The following HSD11B2 variants were observed in gnomAD, a reference collection of about 807,000 sequenced individuals.
The protein encoded by HSD11B2 is hydroxysteroid 11-beta dehydrogenase 2.
A neutral mutation model predicts 20.9 loss-of-function variants in HSD11B2; 17 were observed. That is an observed-to-expected ratio of 0.81 (90% confidence interval 0.56 to 1.22). HSD11B2 has a LOEUF of 1.22. Among genes scored for constraint, HSD11B2 ranks in the 50% most tolerant of loss-of-function variants. The probability of loss-of-function intolerance (pLI) is 0.00; values close to 1 mark genes in which losing one functional copy is unlikely to be tolerated. For synonymous variants in HSD11B2, 253 were observed against 255.4 expected, an observed-to-expected ratio of 0.99 and a Z score of 0.09; for missense variants, 480 against 563.6, an observed-to-expected ratio of 0.85 and a Z score of 1.50.
Position 67,435,687 on chromosome 16 carries a change from G to C in HSD11B2, c.325G>C (p.Val109Leu), listed in dbSNP as rs774388009. ...GAAACTGGACTCCATGGGCTTCACG[G>C]TGCTGGCCACCGTATTGGAGTTGAA... ...AKKLDSMGFT[V>L]LATVLELNSP... is the part of the protein sequence containing the mutation. The change falls in exon 2 of 5, where the codon GTG becomes CTG. Residue 109 changes from valine to leucine, a missense_variant. Physicochemically the swap from Val to Leu is conservative, Grantham distance 32. Coordinates refer to ENST00000326152, the MANE Select transcript of HSD11B2 (RefSeq NM_000196.4). 57 of 1,613,798 alleles carry C rather than the reference G, an allele frequency of 3.5e-5. No individual in the cohort carries two copies. The highest frequency in any genetic ancestry group is 4.7e-5 in the Non-Finnish European group (56 of 1,180,034).
chr16:67,431,529 G>C lies in HSD11B2; in HGVS notation c.265+16G>C. The C allele has an allele frequency of 7.4e-7, 1 of 1,359,044 alleles. No individual in the cohort carries two copies. The highest frequency in any genetic ancestry group is 9.5e-7 in the Non-Finnish European group (1 of 1,055,670). The allele number at this position is 1,359,044 out of a possible 1,614,324, so 84.2% of individuals were successfully genotyped here. A position where few individuals can be genotyped will look rare whatever the true frequency, so the allele number is the denominator to read the frequency against. ...CTCATCACCGGTGAGTGCGCGGGTC[G>C]CGGAGCGCGGGGACTCCAGGCTCGA... On this transcript the variant is annotated intron_variant, in intron 1 of 4. Transcript: ENST00000326152.
In HSD11B2 at chr16:67,436,280, T is replaced by C. The variant is rs558841199; in HGVS notation, c.696T>C (p.Tyr232=). ...GDMPYPCLGA[Y]GTSKAAVALL... The stretch of plus-strand genomic sequence containing the variant: ...TGCCATATCCGTGCTTGGGGGCCTA[T>C]GGAACCTCCAAAGCGGCCGTGGCGC... Residue 232 remains tyrosine, a synonymous_variant, in exon 4 of 5, where the codon TAT becomes TAC. Coordinates refer to ENST00000326152, the MANE Select transcript of HSD11B2 (RefSeq NM_000196.4). The surrounding 1 kb of genome is among the most constrained non-coding windows in gnomAD (Gnocchi z 5.7). 6.2e-7 allele frequency: 1 copy of C among 1,613,962 alleles called. No homozygotes were observed. The highest frequency in any genetic ancestry group is 1.3e-5 in the African/African-American group (1 of 74,972).
At position 67,436,573 on chromosome 16, in the gene HSD11B2, C is replaced by A. The variant is rs13306424; in HGVS notation, c.803-15C>A. 1.9e-6 allele frequency: 3 copies of A among 1,613,688 alleles called. No individual in the cohort carries two copies. The African/African-American group carries it at 4.0e-5, about 22-fold the overall frequency. The stretch of plus-strand genomic sequence containing the variant: ...CCTAGCTGATCCCACTCTGACCTTG[C>A]CACTCCTTCCCCAGAGTCAGTGAGA... On this transcript the variant is annotated splice_polypyrimidine_tract_variant and intron_variant, in intron 4 of 4. Coordinates refer to ENST00000326152, the MANE Select transcript of HSD11B2 (RefSeq NM_000196.4). This position sits in a 1 kb window ranked among gnomAD's most constrained non-coding sequence, Gnocchi z 5.7.
intron 1 of HSD11B2, 44 bp from the exon 2 acceptor site, chr16:67,435,584 G>A (rs753757696): frequency 6.6e-7 from 1 of 1,518,580 alleles, no homozygotes; most frequent in South Asian, 1.1e-5. Context: ...CTCAGGCTAG[G>A]CTGGGCCACA....
At chr16:67,431,565 G>A in intron 1 of HSD11B2, 52 bp downstream of exon 1, 2 of 1,297,780 alleles carry the variant, frequency 1.5e-6, no homozygotes, top group Admixed American at 3.7e-5. Flanking sequence ...GGGCGGGACT[G>A]GACACTCAAC....
chr16:67,430,966 G>A (rs957030035), upstream of HSD11B2: 2 of 157,148 alleles, frequency 1.3e-5, no homozygotes, highest in Non-Finnish European at 2.5e-5. This position sits in a 1 kb window ranked among gnomAD's most constrained non-coding sequence, Gnocchi z 5.4. Flanking sequence ...TTTCCAAATC[G>A]AATCTGGTCG....
rs757672682 is a variant in HSD11B2, at chr16:67,436,866, C to T, written c.1081C>T (p.Arg361Cys). ...CTACCTGCCTGAAGGCCTGCGGCGC[C>T]GCTTCCTGCAGGCCTTCTTCATCAG... ...HYYLPEGLRR[R>C]FLQAFFISHC... The change falls in exon 5 of 5, where the codon CGC (arginine) becomes TGC (cysteine). Residue 361 changes from arginine (R) to cysteine (C), a missense_variant. Arg to Cys is a radical substitution (Grantham distance 180, BLOSUM62 -3). Around this residue, in one of 2 missense-constraint regions of HSD11B2, gnomAD observed 374 missense variants for 480.9 expected, o/e 0.78. Transcript: ENST00000326152. The surrounding 1 kb of genome is among the most constrained non-coding windows in gnomAD (Gnocchi z 5.7). 2.9e-5 allele frequency: 46 copies of T among 1,613,488 alleles called. No individual in the cohort carries two copies. Among genetic ancestry groups the T allele is most frequent in the Admixed American group, 1.8e-4 (11 of 60,014 alleles).
rs1483662470 is a variant in HSD11B2, at chr16:67,437,005, C to G, written c.*2C>G. On this transcript the variant is annotated 3_prime_UTR_variant, in exon 5 of 5. Coordinates refer to ENST00000326152, the MANE Select transcript of HSD11B2 (RefSeq NM_000196.4). ...CCTTCCCCAGCAGTGGCTCGGTGAGCCATGTGCACCTATGGCCCAGCCACT... is the reference window on the plus strand; with the variant it reads ...CCTTCCCCAGCAGTGGCTCGGTGAGGCATGTGCACCTATGGCCCAGCCACT... 7.5e-6 allele frequency: 12 copies of G among 1,606,578 alleles called. No individual in the cohort carries two copies. The highest frequency in any genetic ancestry group is 1.0e-5 in the Non-Finnish European group (12 of 1,179,708).
At chr16:67,429,997 C>T (rs1384382083), upstream of HSD11B2, among the ~76,000 whole-genome samples, 4 of 152,146 alleles carry the variant, frequency 2.6e-5, no homozygotes, top group Non-Finnish European at 5.9e-5. Context: ...CCTGGAAGCC[C>T]ACGGGAAGCA....
At position 67,436,418 on chromosome 16, in the gene HSD11B2, TG is replaced by T; in HGVS notation, c.802+36del. 1 of 142,838 alleles carries T rather than the reference TG, an allele frequency of 7.0e-6. No homozygotes were observed. The highest frequency in any genetic ancestry group is 1.3e-5 in the Non-Finnish European group (1 of 79,250). The allele number at this position is 142,838 out of a possible 1,614,324, so 8.8% of individuals were successfully genotyped here. ...ATCAGGGCTGGGGGTGGGGTGGGGG[TG>T]GGGAATGGGGCTGGGAATGGTCTTA... On this transcript the variant is annotated intron_variant, in intron 4 of 4. Transcript: ENST00000326152. This position sits in a 1 kb window ranked among gnomAD's most constrained non-coding sequence, Gnocchi z 5.7.
Position 67,436,734 on chromosome 16 carries a change from G to A in HSD11B2, c.949G>A (p.Asp317Asn), listed in dbSNP as rs147758873. 22 of 1,614,060 alleles carry A rather than the reference G, an allele frequency of 1.4e-5. No homozygotes were observed. The highest frequency in any genetic ancestry group is 4.0e-5 in the African/African-American group (3 of 75,042). ...GCACTCGCTACGCCTGGCCATGTCCGACCTCACCCCAGTTGTAGATGCCAT... is the reference window on the plus strand; with the variant it reads ...GCACTCGCTACGCCTGGCCATGTCCAACCTCACCCCAGTTGTAGATGCCAT... Reference protein sequence around the residue: ...FLHSLRLAMSDLTPVVDAITD... With the variant: ...FLHSLRLAMSNLTPVVDAITD... The change falls in exon 5 of 5, where the codon GAC becomes AAC. Residue 317 changes from aspartate to asparagine, a missense_variant. Asp to Asn is a conservative substitution (Grantham distance 23). Around this residue, in one of 2 missense-constraint regions of HSD11B2, gnomAD observed 374 missense variants for 480.9 expected, o/e 0.78. Transcript: ENST00000326152. This position sits in a 1 kb window ranked among gnomAD's most constrained non-coding sequence, Gnocchi z 5.7.
chr16:67,434,770 T>C (rs762056359), intron 1 of HSD11B2, among the ~76,000 whole-genome samples: 2 of 152,130 alleles, frequency 1.3e-5, no homozygotes, highest in Non-Finnish European at 2.9e-5. Flanking sequence ...GGCTCACGCC[T>C]GTAATCCCAG....
rs1218256712 is a variant in HSD11B2 at position 67,437,144 on chromosome 16, C to T, written c.*141C>T. On this transcript the variant is annotated 3_prime_UTR_variant, in exon 5 of 5. Transcript: ENST00000326152. The stretch of plus-strand genomic sequence containing the variant: ...GAATCCCACCCCCACTTCATGCCCA[C>T]TGCCGATGCCCAATCCAGGCCCGGT... The T allele has an allele frequency of 1.1e-6, 1 of 891,590 alleles. No homozygotes were observed. The highest frequency in any genetic ancestry group is 1.7e-5 in the African/African-American group (1 of 59,916). 55.2% of individuals were successfully genotyped at this position (891,590 alleles called of 1,614,324 possible). A position where few individuals can be genotyped will look rare whatever the true frequency, so the allele number is the denominator to read the frequency against.
intron 1 of HSD11B2, 106 bp downstream of exon 1, chr16:67,431,619 G>C: frequency 9.0e-7 from 1 of 1,116,332 alleles, no homozygotes; most frequent in Non-Finnish European, 1.1e-6. Context: ...GCTCCTCAGC[G>C]CAAGAGTGGG....
intron 1 of HSD11B2, among the ~76,000 whole-genome samples, chr16:67,433,687 TACACACACACAC>T (rs759945497): frequency 0.014 from 1,868 of 133,934 alleles, 38 homozygotes; most frequent in Admixed American, 0.051. Context: ...TGTGTGTGTC[TACACACACACAC>T]ACACACACAC....
intron 1 of HSD11B2, among the ~76,000 whole-genome samples, chr16:67,432,259 A>AC (rs1491516414): frequency 2.9e-5 from 3 of 103,362 alleles, no homozygotes; most frequent in African/African-American, 9.6e-5. Flanking sequence ...GGGAAGGGGA[A>AC]GGGGGGGGGG....
chr16:67,437,137 A>C lies in HSD11B2; in HGVS notation c.*134A>C. On this transcript the variant is annotated 3_prime_UTR_variant, in exon 5 of 5. Transcript: ENST00000326152. ...GCCTAAAGAATCCCACCCCCACTTCATGCCCACTGCCGATGCCCAATCCAG... is the reference window on the plus strand; with the variant it reads ...GCCTAAAGAATCCCACCCCCACTTCCTGCCCACTGCCGATGCCCAATCCAG... 3 of 951,962 alleles carry C rather than the reference A, an allele frequency of 3.2e-6. No homozygotes were observed. Among genetic ancestry groups the C allele is most frequent in the Non-Finnish European group, 3.1e-6 (2 of 641,932 alleles). The allele number at this position is 951,962 out of a possible 1,614,324, so 59.0% of individuals were successfully genotyped here. A position where few individuals can be genotyped will look rare whatever the true frequency, so the allele number is the denominator to read the frequency against.
upstream of HSD11B2, chr16:67,430,650 G>T: frequency 6.5e-6 from 1 of 154,152 alleles, no homozygotes; most frequent in South Asian, 1.7e-4. The surrounding 1 kb of genome is among the most constrained non-coding windows in gnomAD (Gnocchi z 5.4). Flanking sequence ...CAGCGGCAGC[G>T]GCAGCGGAGA....
chr16:67,431,359 G>A lies in HSD11B2; in HGVS notation c.111G>A (p.Ala37=), dbSNP rs1252876719. The change falls in exon 1 of 5, where the codon GCG becomes GCA. Residue 37 remains alanine, a synonymous_variant. Transcript: ENST00000326152. ...DLRLGRPLLA[A]LALLAALDWL... ...GTCTGGGCCGCCCGCTGCTGGCGGC[G>A]CTGGCGCTGCTGGCCGCGCTCGACT... 8.1e-7 allele frequency: 1 copy of A among 1,240,016 alleles called. No individual in the cohort carries two copies. Among genetic ancestry groups the A allele is most frequent in the Non-Finnish European group, 1.0e-6 (1 of 982,900 alleles). The allele number at this position is 1,240,016 out of a possible 1,614,324, so 76.8% of individuals were successfully genotyped here.
Sources: allele counts gnomAD v4.1 joint callset (sites outside exome capture counted in the v4.1 genomes callset), GRCh38; gene constraint gnomAD v4.1.1; regional missense constraint gnomAD v4.1.1; non-coding constraint Gnocchi (gnomAD v3.1); transcripts MANE v1.5; gene names NCBI Gene and HGNC (gene_info 2026-07-23, HGNC 2026-07-21).